BRCA1: variants seen among roughly 807,000 people sequenced by gnomAD.
The protein encoded by BRCA1 is BRCA1 DNA repair associated.
A neutral mutation model predicts 173.7 loss-of-function variants in BRCA1; 140 were observed. That is an observed-to-expected ratio of 0.81 (90% CI 0.70 to 0.93). The LOEUF (loss-of-function observed/expected upper bound fraction) is 0.93, where lower values mean the gene tolerates loss of function less well. Ranked by LOEUF, BRCA1 falls within the 40% of genes least tolerant of loss-of-function variation. The pLI is 0.00. For missense variants in BRCA1, 1,983 were observed against 2,172.5 expected (o/e 0.91, Z 1.73); for synonymous variants, 662 against 756.0 (o/e 0.88, Z 2.04).
chr17:43,066,593 T>G (rs565242394), intron 16 of BRCA1, among the ~76,000 whole-genome samples: 4 of 151,812 alleles, frequency 2.6e-5, no homozygotes, highest in Admixed American at 2.0e-4. Context: ...GTATTTTTAG[T>G]AGAGACTGGG....
chr17:43,105,877 C>T (rs1003397050), intron 4 of BRCA1, among the ~76,000 whole-genome samples: 2 of 151,908 alleles, frequency 1.3e-5, no homozygotes, highest in African/African-American at 4.8e-5. Context: ...CACCTGTGAA[C>T]CCCAGCACTT....
upstream of BRCA1, among the ~76,000 whole-genome samples, chr17:43,128,382 A>G (rs1567826462): frequency 6.6e-6 from 1 of 151,128 alleles, no homozygotes; most frequent in Non-Finnish European, 1.5e-5. Context: ...GAAGGAGGTA[A>G]CTCTGAACAC....
intron 2 of BRCA1, among the ~76,000 whole-genome samples, chr17:43,118,038 G>T (rs2055374424): frequency 6.6e-6 from 1 of 152,046 alleles, no homozygotes; most frequent in Non-Finnish European, 1.5e-5. Flanking sequence ...ATTAAGCAGG[G>T]TAAGGGGAAA....
At chr17:43,057,264 CT>C (rs2051541698) in intron 18 of BRCA1, 129 bp from the exon 19 acceptor site, 1 of 834,448 alleles carries the variant, frequency 1.2e-6, no homozygotes, top group Non-Finnish European at 2.1e-6. Flanking sequence ...AATCCTAGCA[CT>C]TTGGGAGACT....
intron 21 of BRCA1, 130 bp from the exon 22 acceptor site, chr17:43,047,833 G>T: frequency 1.1e-6 from 1 of 912,166 alleles, no homozygotes. Flanking sequence ...GTGCAGTGGT[G>T]TGATCTCAGC....
Position 43,084,478 on chromosome 17 carries a change from T to C in BRCA1, c.4186-1903A>G, listed in dbSNP as rs545486238. Among the ~76,000 whole-genome samples, 8 of 152,324 alleles carry C rather than the reference T, an allele frequency of 5.3e-5. No individual in the cohort carries two copies. In the South Asian group the frequency reaches 1.4e-3, roughly 28 times the overall value. On this transcript the variant is annotated intron_variant, in intron 11 of 22. Coordinates refer to ENST00000357654, the MANE Select transcript of BRCA1 (RefSeq NM_007294.4). ...ACTGTGCCTGGCTTCAAAATATACATGTTTAAAAATCACTTTTAGAAGGAA... is the reference window on the plus strand; with the variant it reads ...ACTGTGCCTGGCTTCAAAATATACACGTTTAAAAATCACTTTTAGAAGGAA...
At position 43,047,695 on chromosome 17, in the gene BRCA1, G is replaced by A. The variant is rs1060504559; in HGVS notation, c.5415C>T (p.His1805=). The A allele has an allele frequency of 2.5e-6, 4 of 1,614,068 alleles. No individual in the cohort carries two copies. The highest frequency in any genetic ancestry group is 3.4e-6 in the Non-Finnish European group (4 of 1,180,036). Residue 1805 remains histidine (H), a synonymous_variant, in exon 22 of 23, where the codon CAC becomes CAT. Coordinates refer to ENST00000357654, the MANE Select transcript of BRCA1 (RefSeq NM_007294.4). ...LSSFTLGTGV[H]PIVVVQPDAW... ...CATCTGGCTGCACAACCACAATTGGGTGGACACCCTGGATCCCCAGGAAGG... is the reference window on the plus strand; with the variant it reads ...CATCTGGCTGCACAACCACAATTGGATGGACACCCTGGATCCCCAGGAAGG...
chr17:43,064,624 C>T (rs1488407382), intron 16 of BRCA1, among the ~76,000 whole-genome samples: 20 of 152,176 alleles, frequency 1.3e-4, no homozygotes, highest in Non-Finnish European at 1.9e-4. Flanking sequence ...ATCCTAAACA[C>T]AGCAGGCTAT....
chr17:43,071,610 T>C (rs1282661224), intron 14 of BRCA1, among the ~76,000 whole-genome samples: 1 of 152,184 alleles, frequency 6.6e-6, no homozygotes, highest in Non-Finnish European at 1.5e-5. Flanking sequence ...TCTTCACCCA[T>C]TAATTTGAAT....
chr17:43,046,509 T>C (rs539183859), intron 22 of BRCA1, among the ~76,000 whole-genome samples: 40 of 151,986 alleles, frequency 2.6e-4, no homozygotes, highest in Non-Finnish European at 1.3e-4. Flanking sequence ...GCGATTCTCC[T>C]GCCTCAGTCT....
At chr17:43,161,225 C>T (rs773538251) in intron 1 of BRCA1, 42 of 152,228 alleles carry the variant, frequency 2.8e-4, no homozygotes, top group African/African-American at 9.4e-4. Flanking sequence ...AAGGCTCTGC[C>T]GGTTGCAGTG....
At chr17:43,082,650 C>T (rs2053076593) in intron 11 of BRCA1, 75 bp from the exon 12 acceptor site, 1 of 1,512,914 alleles carries the variant, frequency 6.6e-7, no homozygotes, top group Non-Finnish European at 9.1e-7. Context: ...ATATATCATA[C>T]AAATTAATTT....
intron 6 of BRCA1, among the ~76,000 whole-genome samples, chr17:43,100,681 ATATAT>A (rs1567807794): frequency 2.6e-4 from 3 of 11,442 alleles, no homozygotes; most frequent in African/African-American, 1.1e-3. Context: ...TATATATAAT[ATATAT>A]ATATATATAT....
At position 43,115,735 on chromosome 17, in the gene BRCA1, AT is replaced by A. The variant is rs80357943; in HGVS notation, c.124del (p.Ile42TyrfsTer8). On this transcript the variant is annotated frameshift_variant, in exon 3 of 23. Transcript: ENST00000357654. LOFTEE classifies it high-confidence loss of function. ...ACACATTCAAACTTACTTGCAAAAT[AT>A]GTGGTCACACTTTGTGGAGACAGGT... is the stretch of plus-strand genomic sequence containing the variant. ...KEPVSTKCDH[I>X]FCKFCMLKLL... 1 of 1,613,670 alleles carries A rather than the reference AT, an allele frequency of 6.2e-7. No homozygotes were observed.
chr17:43,060,167 T>C (rs771887591), intron 18 of BRCA1, among the ~76,000 whole-genome samples: 8 of 151,912 alleles, frequency 5.3e-5, no homozygotes, highest in African/African-American at 9.7e-5. Context: ...ACCTCCCGGG[T>C]TGATGAAGTG....
intron 22 of BRCA1, among the ~76,000 whole-genome samples, 162 bp from the exon 23 acceptor site, chr17:43,045,964 C>T (rs143935549): frequency 3.3e-5 from 5 of 150,902 alleles, no homozygotes; most frequent in East Asian, 1.9e-4. Context: ...GCTCTGTCGC[C>T]GAGGCTAGAG....
At chr17:43,113,413 C>T (rs2055127216) in intron 3 of BRCA1, among the ~76,000 whole-genome samples, 1 of 151,916 alleles carries the variant, frequency 6.6e-6, no homozygotes, top group Non-Finnish European at 1.5e-5. Context: ...TGTTGTCAGG[C>T]TGGAGTGCAT....
At chr17:43,090,743 C>T (rs1004718152) in intron 11 of BRCA1, among the ~76,000 whole-genome samples, 4 of 152,012 alleles carry the variant, frequency 2.6e-5, no homozygotes, top group African/African-American at 4.8e-5. Context: ...TGTGTGTGCG[C>T]GTGTGCGTGT....
At chr17:43,128,693 A>G (rs534713414), upstream of BRCA1, among the ~76,000 whole-genome samples, 98 of 152,190 alleles carry the variant, frequency 6.4e-4, 1 homozygote, top group African/African-American at 2.3e-3. Flanking sequence ...GACACTACCC[A>G]TATATCCTTC....
Sources: gnomAD v4.1 joint callset for allele counts (sites outside exome capture counted in the v4.1 genomes callset) on GRCh38, gnomAD v4.1.1 for gene constraint, MANE v1.5 for transcripts, NCBI Gene and HGNC (gene_info 2026-07-23, HGNC 2026-07-21) for gene names.